Variants in STRAP observed in about 807,000 individuals in gnomAD.
The protein encoded by STRAP is serine/threonine kinase receptor associated protein.
Under a neutral mutation model 47.0 loss-of-function variants are expected in STRAP, and 16 were observed. The ratio of observed to expected loss-of-function variants is 0.34; its 90% CI spans 0.23 to 0.52. The LOEUF (loss-of-function observed/expected upper bound fraction) is 0.52, where lower values mean the gene tolerates loss of function less well. Ranked by LOEUF, STRAP falls within the 20% of genes least tolerant of loss-of-function variation. STRAP has a pLI of 0.96. For synonymous variants in STRAP, 130 were observed against 142.7 expected (o/e 0.91, Z 0.63); for missense variants, 293 against 420.0 (o/e 0.70, Z 2.64).
intron 2 of STRAP, 29 bp downstream of exon 2, chr12:15,883,705 GTGTT>G (rs1947943353): frequency 6.2e-7 from 1 of 1,611,882 alleles, no homozygotes; most frequent in Admixed American, 1.7e-5. Context: ...GCTAACTTTG[GTGTT>G]CTCTGTAGCT....
intron 6 of STRAP, among the ~76,000 whole-genome samples, chr12:15,897,048 T>C (rs1948065377): frequency 6.6e-6 from 1 of 152,250 alleles, no homozygotes; most frequent in African/African-American, 2.4e-5. Flanking sequence ...CTCCTGCAGT[T>C]AGGCAAATCC....
intron 1 of STRAP, among the ~76,000 whole-genome samples, chr12:15,883,315 A>G (rs931408628): frequency 2.0e-5 from 3 of 152,226 alleles, no homozygotes; most frequent in Admixed American, 6.5e-5. Flanking sequence ...GACGCAGATC[A>G]GTATTCCCAG....
chr12:15,882,627 G>T lies in STRAP; in HGVS notation c.-81G>T. Reference sequence around the variant, plus strand: ...AGTGTCAGGGCGGGGGCCTGGAGCAGCCCGAGGCACTGCAGCAGAAGAGAG... The same window carrying T: ...AGTGTCAGGGCGGGGGCCTGGAGCATCCCGAGGCACTGCAGCAGAAGAGAG... On this transcript the variant is annotated 5_prime_UTR_variant, in exon 1 of 10. Transcript: ENST00000419869. 1 of 1,247,996 alleles carries T rather than the reference G, an allele frequency of 8.0e-7. No individual in the cohort carries two copies. Among genetic ancestry groups the T allele is most frequent in the South Asian group, 1.3e-5 (1 of 78,376 alleles). The allele number at this position is 1,247,996 out of a possible 1,614,324, so 77.3% of individuals were successfully genotyped here.
chr12:15,891,405 A>C (rs1844575394), intron 4 of STRAP, among the ~76,000 whole-genome samples: 1 of 152,238 alleles, frequency 6.6e-6, no homozygotes, highest in Non-Finnish European at 1.5e-5. Flanking sequence ...ATCTGCAGTT[A>C]CAGTTTTTTC....
rs571770101 is a variant in STRAP at position 15,888,348 on chromosome 12, G to T, written c.249-1580G>T. 2.6e-5 allele frequency among the ~76,000 whole-genome samples: 4 copies of T among 152,288 alleles called. No homozygotes were observed. The South Asian group carries it at 8.3e-4, about 32-fold the overall frequency. On this transcript the variant is annotated intron_variant, in intron 2 of 9. Transcript: ENST00000419869. The stretch of plus-strand genomic sequence containing the variant: ...ATTCAGAGAAACAATACAAAATGAG[G>T]TTGGGAAAGTAGATTGGGGCCAGAG...
At chr12:15,885,163 T>C (rs1330098715) in intron 2 of STRAP, among the ~76,000 whole-genome samples, 1 of 149,790 alleles carries the variant, frequency 6.7e-6, no homozygotes, top group Non-Finnish European at 1.5e-5. Context: ...CTTAAGAGGC[T>C]AGAGAGTACA....
intron 2 of STRAP, among the ~76,000 whole-genome samples, chr12:15,888,629 T>A (rs565896404): frequency 6.6e-6 from 1 of 152,282 alleles, no homozygotes; most frequent in South Asian, 2.1e-4. Flanking sequence ...AGCCTTCCCT[T>A]CTTTTTCCCC....
chr12:15,882,682 G>C lies in STRAP; in HGVS notation c.-26G>C. On this transcript the variant is annotated 5_prime_UTR_variant, in exon 1 of 10. Coordinates refer to ENST00000419869, the MANE Select transcript of STRAP (RefSeq NM_007178.4). ...GACAACGACGACCCTCAGCTCGCCA[G>C]TCCGGTCGCTGGCTTCGCCGCCGCC... is the stretch of plus-strand genomic sequence containing the variant. 6.3e-7 allele frequency: 1 copy of C among 1,587,970 alleles called. No individual in the cohort carries two copies. Among genetic ancestry groups the C allele is most frequent in the Non-Finnish European group, 8.6e-7 (1 of 1,166,680 alleles).
intron 1 of STRAP, 84 bp downstream of exon 1, chr12:15,882,903 G>A (rs1256553073): frequency 4.1e-6 from 6 of 1,449,604 alleles, no homozygotes; most frequent in Non-Finnish European, 5.7e-6. Flanking sequence ...TGCCGAAGCG[G>A]TGGTGTGGTG....
chr12:15,886,497 G>C (rs1025004002), intron 2 of STRAP, among the ~76,000 whole-genome samples: 6 of 152,192 alleles, frequency 3.9e-5, no homozygotes, highest in African/African-American at 1.2e-4. Flanking sequence ...AGACCCATGA[G>C]ATTATTGGAG....
At chr12:15,886,708 G>A (rs1316245695) in intron 2 of STRAP, among the ~76,000 whole-genome samples, 3 of 152,088 alleles carry the variant, frequency 2.0e-5, no homozygotes, top group African/African-American at 7.2e-5. Flanking sequence ...CAGCCTACCT[G>A]ATTAGTCATG....
At position 15,882,698 on chromosome 12, in the gene STRAP, C is replaced by T. The variant is rs758129265; in HGVS notation, c.-10C>T. On this transcript the variant is annotated 5_prime_UTR_variant, in exon 1 of 10. Transcript: ENST00000419869. The stretch of plus-strand genomic sequence containing the variant: ...AGCTCGCCAGTCCGGTCGCTGGCTT[C>T]GCCGCCGCCATGGCAATGAGACAGA... 37 of 1,597,292 alleles carry T rather than the reference C, an allele frequency of 2.3e-5. 1 individual carries two copies. The South Asian group carries it at 3.6e-4, about 15-fold the overall frequency.
At chr12:15,899,442 G>A (rs1039025304) in intron 7 of STRAP, among the ~76,000 whole-genome samples, 2 of 151,808 alleles carry the variant, frequency 1.3e-5, no homozygotes, top group Non-Finnish European at 2.9e-5. Flanking sequence ...AGAATAATTA[G>A]TGGACTGTAG....
chr12:15,898,117 G>A, intron 7 of STRAP, 99 bp downstream of exon 7: 1 of 1,121,292 alleles, frequency 8.9e-7, no homozygotes, highest in Non-Finnish European at 1.2e-6. Flanking sequence ...ACATATATAT[G>A]TTGAAAGTAA....
At chr12:15,886,685 A>G (rs1947975384) in intron 2 of STRAP, among the ~76,000 whole-genome samples, 1 of 152,104 alleles carries the variant, frequency 6.6e-6, no homozygotes, top group Non-Finnish European at 1.5e-5. Flanking sequence ...TCTCTCCAAG[A>G]AGTTACTCCC....
At position 15,888,592 on chromosome 12, in the gene STRAP, C is replaced by G. The variant is rs188038463; in HGVS notation, c.249-1336C>G. Among the ~76,000 whole-genome samples, 229 of 152,266 alleles carry G rather than the reference C, an allele frequency of 1.5e-3. 9 individuals carry two copies. The East Asian group carries it at 0.039, about 26-fold the overall frequency. ...TCTTTCATATTCATTAACCACATTG[C>G]ACATGCTATTAATGCTTATCTAGAA... On this transcript the variant is annotated intron_variant, in intron 2 of 9. Transcript: ENST00000419869.
chr12:15,883,044 A>T lies in STRAP; in HGVS notation c.112+225A>T. ...GTAGAAACTATTACCTCCAACTAAG[A>T]CCTCTCTCCTTATTTTATTTTTATT... On this transcript the variant is annotated intron_variant, in intron 1 of 9. Transcript: ENST00000419869. 3 of 1,533,818 alleles carry T rather than the reference A, an allele frequency of 2.0e-6. No individual in the cohort carries two copies. The Middle Eastern group carries it at 5.0e-4, about 256-fold the overall frequency.
At chr12:15,897,016 G>A (rs1448008311) in intron 6 of STRAP, among the ~76,000 whole-genome samples, 1 of 152,166 alleles carries the variant, frequency 6.6e-6, no homozygotes, top group Non-Finnish European at 1.5e-5. Context: ...CCATCAATTG[G>A]TTTATTAATG....
chr12:15,886,784 C>G (rs1221026313), intron 2 of STRAP, among the ~76,000 whole-genome samples: 3 of 152,156 alleles, frequency 2.0e-5, no homozygotes, highest in Non-Finnish European at 2.9e-5. Context: ...TTGGAAAACT[C>G]ATTTATGGTG....
Sources: allele counts gnomAD v4.1 joint callset (sites outside exome capture counted in the v4.1 genomes callset), GRCh38; gene constraint gnomAD v4.1.1; transcripts MANE v1.5; gene names NCBI Gene and HGNC (gene_info 2026-07-23, HGNC 2026-07-21).